Variants in TMEM178B observed in about 807,000 individuals in gnomAD.
TMEM178B encodes the protein transmembrane protein 178B.
In TMEM178B, 5 loss-of-function variants were observed where a neutral mutation model predicts 31.0. That is an observed-to-expected ratio of 0.16 (90% CI 0.08 to 0.34). The LOEUF is 0.34. TMEM178B is among the 10% of genes least tolerant of loss of function. The probability of loss-of-function intolerance (pLI) is 1.00; values close to 1 mark genes in which losing one functional copy is unlikely to be tolerated. For missense variants in TMEM178B, 275 were observed against 400.3 expected, an observed-to-expected ratio of 0.69 and a Z score of 2.67; for synonymous variants, 164 against 164.0, an observed-to-expected ratio of 1.00 and a Z score of 0.00.
At chr7:141,261,709 T>C (rs891582025) in intron 2 of TMEM178B, among the ~76,000 whole-genome samples, 8 of 152,010 alleles carry the variant, frequency 5.3e-5, no homozygotes, top group African/African-American at 1.7e-4. Context: ...CTTCAGGAAG[T>C]AGCACAAGGG....
intron 2 of TMEM178B, among the ~76,000 whole-genome samples, chr7:141,243,606 C>T (rs763230626): frequency 1.3e-5 from 2 of 151,994 alleles, no homozygotes; most frequent in African/African-American, 2.4e-5. Flanking sequence ...TCACTCTCCT[C>T]GCTGGGCCTC....
chr7:141,100,524 G>A (rs1486434237), intron 1 of TMEM178B, among the ~76,000 whole-genome samples: 2 of 152,146 alleles, frequency 1.3e-5, no homozygotes, highest in East Asian at 1.9e-4. Flanking sequence ...TCCTGATTCA[G>A]TCTGGCTCCC....
intron 2 of TMEM178B, among the ~76,000 whole-genome samples, chr7:141,268,433 G>A (rs991642260): frequency 2.0e-5 from 3 of 152,240 alleles, no homozygotes; most frequent in African/African-American, 7.2e-5. Flanking sequence ...GCAGCAGCAG[G>A]TCATACACAT....
intron 2 of TMEM178B, chr7:141,414,799 A>G (rs1801067363): frequency 6.6e-6 from 1 of 152,236 alleles, no homozygotes; most frequent in Admixed American, 6.5e-5. Context: ...AACATTATCT[A>G]ACTTTGAGAA....
intron 1 of TMEM178B, among the ~76,000 whole-genome samples, chr7:141,114,220 C>T (rs1795280645): frequency 6.6e-6 from 1 of 152,262 alleles, no homozygotes; most frequent in Non-Finnish European, 1.5e-5. Context: ...GTCTCACATC[C>T]TCTTTGTCCA....
At chr7:141,245,999 A>T (rs372790646) in intron 2 of TMEM178B, among the ~76,000 whole-genome samples, 1 of 148,626 alleles carries the variant, frequency 6.7e-6, no homozygotes, top group East Asian at 2.0e-4. Flanking sequence ...AAATGATGCG[A>T]TTTTTTTTTT....
chr7:141,469,653 C>T (rs774756275), intron 3 of TMEM178B, among the ~76,000 whole-genome samples: 7 of 152,140 alleles, frequency 4.6e-5, no homozygotes, highest in South Asian at 2.1e-4. Context: ...ACAGAAAACA[C>T]GGCAAATGCA....
At chr7:141,262,665 G>A (rs1383601740) in intron 2 of TMEM178B, among the ~76,000 whole-genome samples, 1 of 151,924 alleles carries the variant, frequency 6.6e-6, no homozygotes. Context: ...ATGTGAAATG[G>A]CAGCTAGAAC....
At chr7:141,465,218 A>T (rs1403755699) in intron 3 of TMEM178B, among the ~76,000 whole-genome samples, 1 of 152,210 alleles carries the variant, frequency 6.6e-6, no homozygotes, top group Non-Finnish European at 1.5e-5. Context: ...CCTCATCTGC[A>T]TCAGTAGCTC....
intron 2 of TMEM178B, among the ~76,000 whole-genome samples, chr7:141,228,015 C>CCATACAAAGAAATAAGGTGTGTGTACA: frequency 6.6e-6 from 1 of 151,508 alleles, no homozygotes; most frequent in Non-Finnish European, 1.5e-5. Context: ...ATTTCTCTGT[C>CCATACAAAGAAATAAGGTGTGTGTACA]CATACAAAGA....
intron 2 of TMEM178B, among the ~76,000 whole-genome samples, chr7:141,327,046 C>T (rs867996202): frequency 7.9e-5 from 12 of 152,268 alleles, no homozygotes; most frequent in East Asian, 5.8e-4. Context: ...TATGTCTCCC[C>T]GAGCCCTATT....
chr7:141,496,669 CAAAA>C, the TMEM178B span, among the ~76,000 whole-genome samples: 532 of 33,190 alleles, frequency 0.016, 1 homozygote, highest in African/African-American at 0.056. Context: ...GACTCCGTCT[CAAAA>C]AAAAAAAAAA....
chr7:141,308,678 T>C (rs564335321), intron 2 of TMEM178B, among the ~76,000 whole-genome samples: 1 of 152,268 alleles, frequency 6.6e-6, no homozygotes, highest in Admixed American at 6.5e-5. Flanking sequence ...CCTATCACCG[T>C]AGAGTAGCTC....
At chr7:141,350,507 G>A (rs1799701896) in intron 2 of TMEM178B, among the ~76,000 whole-genome samples, 1 of 152,122 alleles carries the variant, frequency 6.6e-6, no homozygotes, top group African/African-American at 2.4e-5. Flanking sequence ...ATAAATAAAT[G>A]AAGTGCTATA....
At chr7:141,346,087 G>A (rs1427041351) in intron 2 of TMEM178B, among the ~76,000 whole-genome samples, 5 of 152,026 alleles carry the variant, frequency 3.3e-5, no homozygotes, top group Non-Finnish European at 7.4e-5. Context: ...CGGGCGTGGT[G>A]GCGGGTGCCT....
chr7:141,390,507 G>T (rs972257101), intron 2 of TMEM178B, among the ~76,000 whole-genome samples: 2 of 152,244 alleles, frequency 1.3e-5, no homozygotes, highest in African/African-American at 4.8e-5. Context: ...CTCCACAGGG[G>T]CTGGCCTCAT....
chr7:141,370,562 G>A (rs139776314), intron 2 of TMEM178B, among the ~76,000 whole-genome samples: 154 of 152,070 alleles, frequency 1.0e-3, no homozygotes, highest in African/African-American at 3.4e-3. Context: ...CTCAGAAGGA[G>A]GAGCTAGTTT....
At chr7:141,351,276 T>C (rs1342138512) in intron 2 of TMEM178B, among the ~76,000 whole-genome samples, 1 of 152,286 alleles carries the variant, frequency 6.6e-6, no homozygotes, top group Admixed American at 6.5e-5. Flanking sequence ...CAGTGTGATC[T>C]GGGCTCAGCT....
chr7:141,488,714 A>G, the TMEM178B span, among the ~76,000 whole-genome samples: 2 of 152,166 alleles, frequency 1.3e-5, no homozygotes, highest in Admixed American at 1.3e-4. Context: ...CTGGGATTAC[A>G]GGCATGAGCC....
Sources: allele counts gnomAD v4.1 joint callset (sites outside exome capture counted in the v4.1 genomes callset), GRCh38; gene constraint gnomAD v4.1.1; transcripts MANE v1.5; gene names NCBI Gene and HGNC (gene_info 2026-07-23, HGNC 2026-07-21).